PCDH15: variants seen among roughly 807,000 people sequenced by gnomAD.
PCDH15 encodes the protein protocadherin-15.
Under a neutral mutation model 178.5 loss-of-function variants are expected in PCDH15, and 129 were observed. The ratio of observed to expected loss-of-function variants is 0.72; its 90% CI spans 0.63 to 0.84. The LOEUF (loss-of-function observed/expected upper bound fraction) is 0.84. Ranked by LOEUF, PCDH15 falls within the 40% of genes least tolerant of loss-of-function variation. PCDH15 has a pLI of 0.00. For synonymous variants in PCDH15, 800 were observed against 732.0 expected, an observed-to-expected ratio of 1.09 and a Z score of -1.50; for missense variants, 2,230 against 2,099.9, an observed-to-expected ratio of 1.06 and a Z score of -1.21.
At chr10:54,232,214 A>T (rs2054149648) in intron 9 of PCDH15, among the ~76,000 whole-genome samples, 1 of 152,144 alleles carries the variant, frequency 6.6e-6, no homozygotes, top group Admixed American at 6.6e-5. Flanking sequence ...CAGTGGTGTC[A>T]GTGAGTGAGT....
At chr10:54,524,245 T>C (rs1176356454) in intron 3 of PCDH15, among the ~76,000 whole-genome samples, 1 of 152,224 alleles carries the variant, frequency 6.6e-6, no homozygotes, top group African/African-American at 2.4e-5. Flanking sequence ...GTGTACAATA[T>C]ATTTTAAACT....
rs576094471 is a variant in PCDH15, at chr10:55,601,101, C to T, written c.-156+26524G>A. ...AGGAGCTTTTACAATGCTCCATGTA[C>T]AAGAACCTCACAGAGGAATTACACA... On this transcript the variant is annotated intron_variant, in intron 2 of 5. Transcript: ENST00000613346. Among the ~76,000 whole-genome samples the T allele has an allele frequency of 6.6e-4, 101 of 152,106 alleles. 4 individuals carry two copies. The South Asian group carries it at 0.021, about 32-fold the overall frequency.
At chr10:55,271,380 G>T (rs12769594) in intron 1 of PCDH15, among the ~76,000 whole-genome samples, 8,473 of 151,908 alleles carry the variant, frequency 0.056, 261 homozygotes, top group Middle Eastern at 0.12. Context: ...GAGAAAAAAA[G>T]GATTTTTTTC....
intron 3 of PCDH15, among the ~76,000 whole-genome samples, chr10:54,486,583 T>C (rs949956523): frequency 7.9e-5 from 12 of 151,840 alleles, no homozygotes; most frequent in African/African-American, 2.7e-4. Context: ...CCTTCCTTCC[T>C]TCCTTTCTTT....
At chr10:55,266,156 G>A (rs1416538040) in intron 1 of PCDH15, among the ~76,000 whole-genome samples, 1 of 151,832 alleles carries the variant, frequency 6.6e-6, no homozygotes, top group Non-Finnish European at 1.5e-5. Flanking sequence ...TTCTTTCCTT[G>A]TATAATACAC....
intron 2 of PCDH15, among the ~76,000 whole-genome samples, chr10:55,368,727 T>C (rs1845424322): frequency 6.6e-6 from 1 of 152,118 alleles, no homozygotes; most frequent in African/African-American, 2.4e-5. Context: ...GTAAGTATAA[T>C]GTACTTTTTC....
At chr10:55,186,890 T>C (rs899935142) in intron 1 of PCDH15, among the ~76,000 whole-genome samples, 4 of 151,962 alleles carry the variant, frequency 2.6e-5, no homozygotes, top group African/African-American at 9.6e-5. Context: ...AGCTTATATT[T>C]TGGTATAGAG....
intron 5 of PCDH15, among the ~76,000 whole-genome samples, chr10:54,364,048 A>G (rs1022558270): frequency 1.3e-5 from 2 of 152,174 alleles, no homozygotes; most frequent in South Asian, 2.1e-4. Context: ...ACCCATCTCT[A>G]CTAAAAATAC....
intron 15 of PCDH15, among the ~76,000 whole-genome samples, chr10:54,104,653 C>T (rs1280212270): frequency 2.9e-5 from 4 of 138,200 alleles, no homozygotes; most frequent in South Asian, 4.5e-4. Flanking sequence ...CTGGTTGATA[C>T]AGTGAAACCC....
intron 18 of PCDH15, among the ~76,000 whole-genome samples, chr10:54,066,302 A>G (rs1832798557): frequency 6.6e-6 from 1 of 152,218 alleles, no homozygotes. Flanking sequence ...GAGTAAGTTT[A>G]CTACGAGTAA....
intron 10 of PCDH15, among the ~76,000 whole-genome samples, chr10:54,200,434 C>T (rs1175585767): frequency 6.6e-6 from 1 of 151,986 alleles, no homozygotes; most frequent in Non-Finnish European, 1.5e-5. Flanking sequence ...GGCCCCCACC[C>T]TCGACAGGCC....
intron 3 of PCDH15, among the ~76,000 whole-genome samples, chr10:54,428,990 C>A (rs1956635250): frequency 2.0e-5 from 3 of 152,200 alleles, no homozygotes; most frequent in South Asian, 4.1e-4. Context: ...GGATACAAAC[C>A]TCACTGGTAA....
chr10:54,578,533 G>A (rs943915431), intron 2 of PCDH15, among the ~76,000 whole-genome samples: 65 of 152,044 alleles, frequency 4.3e-4, no homozygotes, highest in African/African-American at 1.5e-3. Flanking sequence ...TATAAACATA[G>A]TAATTTTAAA....
At chr10:54,044,037 G>T (rs2093606523) in intron 18 of PCDH15, among the ~76,000 whole-genome samples, 1 of 152,038 alleles carries the variant, frequency 6.6e-6, no homozygotes, top group Non-Finnish European at 1.5e-5. Flanking sequence ...GAGTAGAAAA[G>T]GATTATTCCC....
At chr10:54,586,236 T>C (rs972024693) in intron 2 of PCDH15, among the ~76,000 whole-genome samples, 4 of 152,134 alleles carry the variant, frequency 2.6e-5, no homozygotes, top group Non-Finnish European at 4.4e-5. Context: ...AAAAAGTGTG[T>C]CACACAATTT....
At chr10:54,334,749 G>A (rs1940699308) in intron 6 of PCDH15, among the ~76,000 whole-genome samples, 1 of 151,992 alleles carries the variant, frequency 6.6e-6, no homozygotes, top group Non-Finnish European at 1.5e-5. Flanking sequence ...TAAAGACAGA[G>A]ACTTAGTACA....
chr10:54,343,206 A>G (rs1323958265), intron 6 of PCDH15, among the ~76,000 whole-genome samples: 3 of 152,144 alleles, frequency 2.0e-5, no homozygotes, highest in Non-Finnish European at 4.4e-5. Context: ...GTTGAATTGT[A>G]ATCTCCATGA....
At chr10:54,062,787 GA>G (rs1206908463) in intron 18 of PCDH15, among the ~76,000 whole-genome samples, 2 of 151,296 alleles carry the variant, frequency 1.3e-5, no homozygotes, top group East Asian at 3.9e-4. Context: ...AAAAAAATAA[GA>G]AAAAAAGGAA....
intron 27 of PCDH15, among the ~76,000 whole-genome samples, chr10:53,866,135 G>A (rs1024645843): frequency 1.3e-5 from 2 of 152,098 alleles, no homozygotes; most frequent in African/African-American, 4.8e-5. Context: ...TCATCATTGG[G>A]AATTTTGATA....
Sources: allele counts gnomAD v4.1 joint callset (sites outside exome capture counted in the v4.1 genomes callset), GRCh38; gene constraint gnomAD v4.1.1; transcripts MANE v1.5; gene names NCBI Gene and HGNC (gene_info 2026-07-23, HGNC 2026-07-21).